Variants in MEX3D observed in about 807,000 individuals in gnomAD.
The protein encoded by MEX3D is RNA-binding protein MEX3D.
A neutral mutation model predicts 6.3 loss-of-function variants in MEX3D; 4 were observed. The ratio of observed to expected loss-of-function variants is 0.64; its 90% CI spans 0.31 to 1.46. MEX3D has a LOEUF of 1.46. Ranked by LOEUF, MEX3D falls within the 40% of genes most tolerant of loss-of-function variation. The pLI is 0.07. For synonymous variants in MEX3D, 626 were observed against 494.1 expected, an observed-to-expected ratio of 1.27 and a Z score of -3.54; for missense variants, 1,038 against 994.4, an observed-to-expected ratio of 1.04 and a Z score of -0.59.
intron 1 of MEX3D, among the ~76,000 whole-genome samples, chr19:1,562,962 G>A (rs1005455519): frequency 3.3e-5 from 5 of 152,146 alleles, no homozygotes; most frequent in African/African-American, 1.2e-4. Flanking sequence ...AGGCTGCAGT[G>A]AGCCGAGACT....
At chr19:1,563,976 G>T (rs1344063320) in intron 1 of MEX3D, among the ~76,000 whole-genome samples, 1 of 151,320 alleles carries the variant, frequency 6.6e-6, no homozygotes, top group Non-Finnish European at 1.5e-5. Flanking sequence ...CCTAATTTTT[G>T]TATTTTTTTT....
In MEX3D at chr19:1,555,738, G is replaced by A. The variant is rs1317566677; in HGVS notation, c.1781C>T (p.Pro594Leu). ...CACCACGCACTCTCGCGCCAGGGCC[G>A]GGGCCGAGGACGCCGAAGGGGGCTT... ...SRKPPSASSAPALARECVVCA... is the reference protein window; with the variant it reads ...SRKPPSASSALALARECVVCA... Residue 594 changes from proline (P) to leucine (L), a missense_variant, in exon 2 of 2, where the codon CCG becomes CTG. This residue lies in a region of MEX3D where 581 missense variants were observed against 516.2 expected (regional missense o/e 1.13). Coordinates refer to ENST00000402693, the MANE Select transcript of MEX3D (RefSeq NM_203304.4). 1.6e-5 allele frequency: 24 copies of A among 1,518,168 alleles called. No homozygotes were observed. Among genetic ancestry groups the A allele is most frequent in the Admixed American group, 2.0e-5 (1 of 49,072 alleles). The allele number at this position is 1,518,168 out of a possible 1,614,324, so 94.0% of individuals were successfully genotyped here. A position where few individuals can be genotyped will look rare whatever the true frequency, so the allele number is the denominator to read the frequency against.
rs1914585692 is a variant in MEX3D at position 1,556,864 on chromosome 19, C to G, written c.655G>C (p.Gly219Arg). ...TNTYIKTPVR[G>R]EEPVFIVTGR... ...GTCACGATGAAGACCGGCTCCTCGC[C>G]CCGCACTGGGGTCTTGATGTAGGTG... Residue 219 changes from glycine (G) to arginine (R), a missense_variant, in exon 2 of 2, where the codon GGC (glycine) becomes CGC (arginine). Transcript: ENST00000402693. The surrounding 1 kb of genome is among the most constrained non-coding windows in gnomAD (Gnocchi z 7.5). The G allele has an allele frequency of 6.2e-7, 1 of 1,612,384 alleles. No homozygotes were observed. Among genetic ancestry groups the G allele is most frequent in the Non-Finnish European group, 8.5e-7 (1 of 1,179,826 alleles).
At position 1,556,610 on chromosome 19, in the gene MEX3D, C is replaced by A. The variant is rs1914571857; in HGVS notation, c.909G>T (p.Thr303=). Reference sequence around the variant, plus strand: ...GCCCGGGCGTCACGATGTAGGTGTGCGTCCGCTGCTGGATGCGCTTGATGG... The same window carrying A: ...GCCCGGGCGTCACGATGTAGGTGTGAGTCCGCTGCTGGATGCGCTTGATGG... ...GATIKRIQQR[T]HTYIVTPGRD... Residue 303 remains threonine (T), a synonymous_variant, in exon 2 of 2, where the codon ACG becomes ACT. Transcript: ENST00000402693. This position sits in a 1 kb window ranked among gnomAD's most constrained non-coding sequence, Gnocchi z 7.5. 2 of 1,609,954 alleles carry A rather than the reference C, an allele frequency of 1.2e-6. No homozygotes were observed. The highest frequency in any genetic ancestry group is 1.3e-5 in the African/African-American group (1 of 74,874).
At position 1,567,768 on chromosome 19, in the gene MEX3D, C is replaced by A. The variant is rs1914884916; in HGVS notation, c.291G>T (p.Ala97=). ...AAAAGGADGG[A]APEPVPPDGP... ...CGTCGGGGGGCACAGGCTCCGGAGCCGCCCCGCCGTCCGCGCCCCCCGCCG... is the reference window on the plus strand; with the variant it reads ...CGTCGGGGGGCACAGGCTCCGGAGCAGCCCCGCCGTCCGCGCCCCCCGCCG... The change falls in exon 1 of 2, where the codon GCG becomes GCT. Residue 97 remains alanine (A), a synonymous_variant. Coordinates refer to ENST00000402693, the MANE Select transcript of MEX3D (RefSeq NM_203304.4). This position sits in a 1 kb window ranked among gnomAD's most constrained non-coding sequence, Gnocchi z 6.5. 2.1e-6 allele frequency: 2 copies of A among 959,626 alleles called. No individual in the cohort carries two copies. Among genetic ancestry groups the A allele is most frequent in the Admixed American group, 6.1e-5 (1 of 16,362 alleles). The allele number at this position is 959,626 out of a possible 1,614,324, so 59.4% of individuals were successfully genotyped here. A position where few individuals can be genotyped will look rare whatever the true frequency, so the allele number is the denominator to read the frequency against.
chr19:1,555,914 C>G lies in MEX3D; in HGVS notation c.1605G>C (p.Pro535=). 8.3e-7 allele frequency: 1 copy of G among 1,203,036 alleles called. No homozygotes were observed. Among genetic ancestry groups the G allele is most frequent in the Non-Finnish European group, 1.0e-6 (1 of 969,352 alleles). The allele number at this position is 1,203,036 out of a possible 1,614,324, so 74.5% of individuals were successfully genotyped here. The part of the protein sequence containing the change: ...LELPLSRRGA[P]DPVGALSWRP... Reference sequence around the variant, plus strand: ...GCCAGGACAGCGCGCCCACCGGGTCCGGGGCGCCACGGCGAGACAGCGGGA... The same window carrying G: ...GCCAGGACAGCGCGCCCACCGGGTCGGGGGCGCCACGGCGAGACAGCGGGA... Residue 535 remains proline, a synonymous_variant, in exon 2 of 2, where the codon CCG becomes CCC. Transcript: ENST00000402693.
Position 1,555,616 on chromosome 19 carries a change from C to T in MEX3D, c.1903G>A (p.Glu635Lys). 4 of 1,591,708 alleles carry T rather than the reference C, an allele frequency of 2.5e-6. No individual in the cohort carries two copies. Among genetic ancestry groups the T allele is most frequent in the Non-Finnish European group, 3.4e-6 (4 of 1,171,358 alleles). ...GCCGGCGTGCGGCAGGCGGGACACTCGGGCTCGCTCTTGCCGCAGATGCGG... is the reference window on the plus strand; with the variant it reads ...GCCGGCGTGCGGCAGGCGGGACACTTGGGCTCGCTCTTGCCGCAGATGCGG... ...AVRICGKSEP[E>K]CPACRTPATQ... is the part of the protein sequence containing the mutation. Residue 635 changes from glutamate (E) to lysine (K), a missense_variant, in exon 2 of 2, where the codon GAG (glutamate) becomes AAG (lysine). By Grantham distance (56) the Glu-to-Lys change is moderately conservative. Around this residue, in one of 5 missense-constraint regions of MEX3D, gnomAD observed 581 missense variants for 516.2 expected, o/e 1.13. Coordinates refer to ENST00000402693, the MANE Select transcript of MEX3D (RefSeq NM_203304.4).
Position 1,555,646 on chromosome 19 carries a change from C to CG in MEX3D, c.1872dup (p.Ala625ArgfsTer82). 1 of 1,587,694 alleles carries CG rather than the reference C, an allele frequency of 6.3e-7. No homozygotes were observed. On this transcript the variant is annotated frameshift_variant, in exon 2 of 2. Transcript: ENST00000402693. LOFTEE classifies it low-confidence loss of function (END_TRUNC). The stretch of plus-strand genomic sequence containing the variant: ...TCGCTCTTGCCGCAGATGCGGACGG[C>CG]GCAGTCCATGCAGAAGAGGTTGTGG...
chr19:1,565,499 G>A (rs975977548), intron 1 of MEX3D, among the ~76,000 whole-genome samples: 27 of 152,148 alleles, frequency 1.8e-4, no homozygotes, highest in Admixed American at 6.5e-4. Context: ...CCCAGATCAC[G>A]TCACTGCACT....
In MEX3D at chr19:1,555,741, G is replaced by A. The variant is rs201143954; in HGVS notation, c.1778C>T (p.Ala593Val). 3,512 of 1,514,000 alleles carry A rather than the reference G, an allele frequency of 2.3e-3. 7 individuals are homozygous for A. The highest frequency in any genetic ancestry group is 2.9e-3 in the Non-Finnish European group (3,336 of 1,137,858). 93.8% of individuals were successfully genotyped at this position (1,514,000 alleles called of 1,614,324 possible). ...NSRKPPSASSAPALARECVVC... is the reference protein window; with the variant it reads ...NSRKPPSASSVPALARECVVC... ...CACGCACTCTCGCGCCAGGGCCGGG[G>A]CCGAGGACGCCGAAGGGGGCTTGCG... The change falls in exon 2 of 2, where the codon GCC becomes GTC. Residue 593 changes from alanine (A) to valine (V), a missense_variant. By Grantham distance (64) the Ala-to-Val change is moderately conservative. Coordinates refer to ENST00000402693, the MANE Select transcript of MEX3D (RefSeq NM_203304.4).
intron 1 of MEX3D, among the ~76,000 whole-genome samples, 163 bp from the exon 2 acceptor site, chr19:1,557,086 C>T (rs1044618091): frequency 3.3e-5 from 5 of 152,228 alleles, no homozygotes; most frequent in Non-Finnish European, 5.9e-5. Flanking sequence ...TTCCCTCAGC[C>T]TCAGTTTCCC....
At chr19:1,562,503 C>T (rs941090457) in intron 1 of MEX3D, among the ~76,000 whole-genome samples, 15 of 151,836 alleles carry the variant, frequency 9.9e-5, no homozygotes, top group African/African-American at 2.9e-4. Context: ...CCAGCCTGGG[C>T]GACAGAGTGA....
At chr19:1,564,037 G>A (rs991518774) in intron 1 of MEX3D, among the ~76,000 whole-genome samples, 1 of 151,354 alleles carries the variant, frequency 6.6e-6, no homozygotes, top group African/African-American at 2.4e-5. Context: ...TCGATTCCTA[G>A]GCTCGAGGGA....
chr19:1,556,442 G>C lies in MEX3D; in HGVS notation c.1077C>G (p.Thr359=), dbSNP rs371046964. 2 of 1,597,036 alleles carry C rather than the reference G, an allele frequency of 1.3e-6. No individual in the cohort carries two copies. Among genetic ancestry groups the C allele is most frequent in the Non-Finnish European group, 8.5e-7 (1 of 1,177,326 alleles). ...CCCCGAGCAGGTCCAGGCAGACGTC[G>C]GTGCCGTTGGCGTGGAAGTCGCTGT... ...GPDSDFHANG[T]DVCLDLLGAA... Residue 359 remains threonine, a synonymous_variant, in exon 2 of 2, where the codon ACC becomes ACG. Coordinates refer to ENST00000402693, the MANE Select transcript of MEX3D (RefSeq NM_203304.4). The surrounding 1 kb of genome is among the most constrained non-coding windows in gnomAD (Gnocchi z 7.5).
In MEX3D at chr19:1,567,669, G is replaced by C. The variant is rs1914880136; in HGVS notation, c.390C>G (p.Asn130Lys). ...GCGGCGGCGGCGGCGGGGGACTCGC[G>C]TTGGGGTCCAGCAGCGGCAGCGACC... ...APGSLPLLDP[N>K]ASPPPPPPPR... The change falls in exon 1 of 2, where the codon AAC (asparagine) becomes AAG (lysine). Residue 130 changes from asparagine to lysine, a missense_variant. This residue lies in a region of MEX3D where 265 missense variants were observed against 206.3 expected (regional missense o/e 1.28). Coordinates refer to ENST00000402693, the MANE Select transcript of MEX3D (RefSeq NM_203304.4). The surrounding 1 kb of genome is among the most constrained non-coding windows in gnomAD (Gnocchi z 6.5). The C allele has an allele frequency of 1.7e-6, 2 of 1,189,384 alleles. No individual in the cohort carries two copies. The highest frequency in any genetic ancestry group is 3.6e-5 in the East Asian group (1 of 27,754). The allele number at this position is 1,189,384 out of a possible 1,614,324, so 73.7% of individuals were successfully genotyped here.
intron 1 of MEX3D, among the ~76,000 whole-genome samples, chr19:1,559,063 C>G (rs1032994118): frequency 6.6e-6 from 1 of 151,868 alleles, no homozygotes; most frequent in Non-Finnish European, 1.5e-5. Flanking sequence ...TCATAGCTCA[C>G]TGCAGCCTTC....
intron 1 of MEX3D, among the ~76,000 whole-genome samples, chr19:1,565,636 C>A (rs768323976): frequency 6.6e-6 from 1 of 152,326 alleles, no homozygotes; most frequent in East Asian, 1.9e-4. Flanking sequence ...CCGTCATCTG[C>A]GCAGGGCCAC....
In MEX3D at chr19:1,556,959, G is replaced by A. The variant is rs1307968380; in HGVS notation, c.596-36C>T. The A allele has an allele frequency of 6.4e-7, 1 of 1,561,850 alleles. No homozygotes were observed. Among genetic ancestry groups the A allele is most frequent in the Non-Finnish European group, 8.6e-7 (1 of 1,159,558 alleles). ...GGGAGGGGAAGGACAAGGTGACCCAGAGCCCCCTGCGCAGCTCAGCCCCGC... is the reference window on the plus strand; with the variant it reads ...GGGAGGGGAAGGACAAGGTGACCCAAAGCCCCCTGCGCAGCTCAGCCCCGC... On this transcript the variant is annotated intron_variant, in intron 1 of 1. Transcript: ENST00000402693. The surrounding 1 kb of genome is among the most constrained non-coding windows in gnomAD (Gnocchi z 7.5).
chr19:1,560,184 C>T (rs892928470), intron 1 of MEX3D, among the ~76,000 whole-genome samples: 3 of 152,244 alleles, frequency 2.0e-5, no homozygotes, highest in Non-Finnish European at 4.4e-5. Flanking sequence ...GCTTCACAGG[C>T]CCTCAGAGGG....
Sources: allele counts gnomAD v4.1 joint callset (sites outside exome capture counted in the v4.1 genomes callset), GRCh38; gene constraint gnomAD v4.1.1; regional missense constraint gnomAD v4.1.1; non-coding constraint Gnocchi (gnomAD v3.1); transcripts MANE v1.5; gene names NCBI Gene and HGNC (gene_info 2026-07-23, HGNC 2026-07-21).